The following COL13A1 variants were observed in gnomAD, a reference collection of about 807,000 sequenced individuals.
COL13A1 encodes collagen type XIII alpha 1 chain, also known as collagen alpha-1(XIII) chain.
In COL13A1, 89 loss-of-function variants were observed where a neutral mutation model predicts 130.9. The observed-to-expected ratio is 0.68, with a 90% CI of 0.57 to 0.81. The LOEUF is 0.81. Among genes scored for constraint, COL13A1 ranks in the 30% least tolerant of loss-of-function variants. COL13A1 has a pLI of 0.00. For missense variants in COL13A1, 879 were observed against 934.6 expected (o/e 0.94, Z 0.78); for synonymous variants, 402 against 341.6 (o/e 1.18, Z -1.95).
intron 2 of COL13A1, among the ~76,000 whole-genome samples, chr10:69,866,946 G>A (rs1173551496): frequency 6.6e-6 from 1 of 152,152 alleles, no homozygotes; most frequent in Non-Finnish European, 1.5e-5. Flanking sequence ...GGAATCACCG[G>A]GAGGGTGGGG....
intron 2 of COL13A1, among the ~76,000 whole-genome samples, chr10:69,832,449 A>C (rs1849048754): frequency 6.6e-6 from 1 of 152,202 alleles, no homozygotes; most frequent in Non-Finnish European, 1.5e-5. Flanking sequence ...TTATTATGAA[A>C]GTTCTTGGTC....
In COL13A1 at chr10:69,835,143, C is replaced by A. The variant is rs557997928; in HGVS notation, c.364+12705C>A. On this transcript the variant is annotated intron_variant, in intron 2 of 40. Coordinates refer to ENST00000645393, the MANE Select transcript of COL13A1 (RefSeq NM_001368882.1). Reference sequence around the variant, plus strand: ...CACATGGGTGCTGTGCAGCTTGTCCCAGGCTGCTGGGGGCAGATGAGCTCC... The same window carrying A: ...CACATGGGTGCTGTGCAGCTTGTCCAAGGCTGCTGGGGGCAGATGAGCTCC... Among the ~76,000 whole-genome samples the A allele has an allele frequency of 2.6e-5, 4 of 152,284 alleles. No homozygotes were observed. In the South Asian group the frequency reaches 8.3e-4, roughly 32 times the overall value.
At chr10:69,888,708 T>G (rs2060852101) in intron 9 of COL13A1, among the ~76,000 whole-genome samples, 1 of 152,142 alleles carries the variant, frequency 6.6e-6, no homozygotes, top group Non-Finnish European at 1.5e-5. Flanking sequence ...CCAGCACCTG[T>G]GTCTCCCATG....
chr10:69,948,299 G>C (rs1473956013), intron 38 of COL13A1, among the ~76,000 whole-genome samples: 1 of 152,078 alleles, frequency 6.6e-6, no homozygotes, highest in Non-Finnish European at 1.5e-5. Context: ...TGCACAGAAA[G>C]TGCCAGAATG....
chr10:69,927,327 T>TG (rs2065499778), intron 27 of COL13A1, among the ~76,000 whole-genome samples: 1 of 152,138 alleles, frequency 6.6e-6, no homozygotes. Context: ...CCCTGGGTCA[T>TG]GGGTGTCCTC....
In COL13A1 at chr10:69,825,307, C is replaced by T. The variant is rs565152603; in HGVS notation, c.364+2869C>T. On this transcript the variant is annotated intron_variant, in intron 2 of 40. Coordinates refer to ENST00000645393, the MANE Select transcript of COL13A1 (RefSeq NM_001368882.1). ...GCATTTCCGATTATCTCCTGAGGGTCGGAGTTTATAAACAACTTTAAGGCT... is the reference window on the plus strand; with the variant it reads ...GCATTTCCGATTATCTCCTGAGGGTTGGAGTTTATAAACAACTTTAAGGCT... Among the ~76,000 whole-genome samples the T allele has an allele frequency of 7.2e-5, 11 of 152,306 alleles. No homozygotes were observed. In the South Asian group the frequency reaches 1.7e-3, roughly 23 times the overall value.
At chr10:69,934,300 TATA>T (rs1163457001) in intron 31 of COL13A1, among the ~76,000 whole-genome samples, 1 of 152,252 alleles carries the variant, frequency 6.6e-6, no homozygotes, top group Admixed American at 6.5e-5. Context: ...ACCACTTACT[TATA>T]ATAAGAATTA....
At chr10:69,902,523 C>A (rs1171284260) in intron 14 of COL13A1, among the ~76,000 whole-genome samples, 1 of 152,206 alleles carries the variant, frequency 6.6e-6, no homozygotes, top group East Asian at 1.9e-4. Context: ...GAAGCCCCAC[C>A]TTCAGGGACC....
At chr10:69,831,131 A>G (rs1227759) in intron 2 of COL13A1, among the ~76,000 whole-genome samples, 14,783 of 152,298 alleles carry the variant, frequency 0.097, 801 homozygotes, top group East Asian at 0.18. Flanking sequence ...GTTGAATTAG[A>G]GGATGTTGAA....
At chr10:69,887,307 C>T (rs1010612969) in intron 7 of COL13A1, 149 bp from the exon 8 acceptor site, 28 of 732,602 alleles carry the variant, frequency 3.8e-5, no homozygotes, top group Middle Eastern at 3.0e-4. Context: ...TCTCCATCTT[C>T]CCTCCCAACC....
intron 2 of COL13A1, among the ~76,000 whole-genome samples, chr10:69,845,238 G>A (rs1228828063): frequency 6.7e-6 from 1 of 148,716 alleles, no homozygotes; most frequent in South Asian, 2.1e-4. Context: ...TGTCACCCAG[G>A]CTGGAGTGCA....
At chr10:69,881,829 T>C (rs575211666) in intron 7 of COL13A1, among the ~76,000 whole-genome samples, 1 of 152,316 alleles carries the variant, frequency 6.6e-6, no homozygotes, top group South Asian at 2.1e-4. Context: ...ATCACCTCCA[T>C]TTTACAGATG....
At chr10:69,825,602 A>G (rs1417343572) in intron 2 of COL13A1, among the ~76,000 whole-genome samples, 1 of 152,170 alleles carries the variant, frequency 6.6e-6, no homozygotes, top group Non-Finnish European at 1.5e-5. Context: ...GGGACAAAAC[A>G]AACACACTCT....
rs769673346 is a variant in COL13A1, at chr10:69,898,721, C to T, written c.709C>T (p.Arg237Ter). 59 of 1,613,386 alleles carry T rather than the reference C, an allele frequency of 3.7e-5. No homozygotes were observed. Among genetic ancestry groups the T allele is most frequent in the Middle Eastern group, 1.6e-4 (1 of 6,062 alleles). The change falls in exon 14 of 41, where the codon CGA becomes TGA. Residue 237 changes from arginine to a stop codon, truncating the protein, a stop_gained. Transcript: ENST00000645393. LOFTEE classifies it high-confidence loss of function. The part of the protein sequence containing the change: ...HRLLPLLNSV[R>*]LAPPPVIKRR... ...GCTGCTGCCTCTCCTCAATTCAGTGCGACTGGCTCCACCCCCGGTCATAAA... is the reference window on the plus strand; with the variant it reads ...GCTGCTGCCTCTCCTCAATTCAGTGTGACTGGCTCCACCCCCGGTCATAAA...
At chr10:69,829,251 C>A (rs1245199192) in intron 2 of COL13A1, 2 of 985,308 alleles carry the variant, frequency 2.0e-6, no homozygotes, top group African/African-American at 1.7e-5. Context: ...GCCACCTGAC[C>A]TCCTCCAAAC....
rs187274531 is a variant in COL13A1 at position 69,858,641 on chromosome 10, T to C, written c.365-9157T>C. Among the ~76,000 whole-genome samples, 270 of 152,332 alleles carry C rather than the reference T, an allele frequency of 1.8e-3. 1 individual carries two copies. Among genetic ancestry groups the C allele is most frequent in the Non-Finnish European group, 9.6e-4 (65 of 68,030 alleles). The stretch of plus-strand genomic sequence containing the variant: ...GTGATCAGTCCTCACTGGGGGACTC[T>C]GGGAGCCAACTTCAGGCAAGAGACG... On this transcript the variant is annotated intron_variant, in intron 2 of 40. Coordinates refer to ENST00000645393, the MANE Select transcript of COL13A1 (RefSeq NM_001368882.1).
At chr10:69,948,120 C>G (rs1414974650) in intron 38 of COL13A1, among the ~76,000 whole-genome samples, 1 of 152,196 alleles carries the variant, frequency 6.6e-6, no homozygotes, top group Admixed American at 6.5e-5. Flanking sequence ...AAGTGTGTCT[C>G]CTAGCGGGTC....
chr10:69,922,010 A>G lies in COL13A1; in HGVS notation c.1143+75A>G, dbSNP rs4237324. On this transcript the variant is annotated intron_variant, in intron 22 of 40. Transcript: ENST00000645393. ...CATACCTGGCCCTGCACATCCACAC[A>G]GGCCCCAGCATTGGACGTGTCTGTC... 320,905 of 1,495,794 alleles carry G rather than the reference A, an allele frequency of 0.21. 36,538 individuals are homozygous for G. Among genetic ancestry groups the G allele is most frequent in the East Asian group, 0.32 (12,906 of 40,440 alleles). The allele number at this position is 1,495,794 out of a possible 1,614,324, so 92.7% of individuals were successfully genotyped here.
chr10:69,899,453 C>A (rs1212054658), intron 14 of COL13A1, among the ~76,000 whole-genome samples: 2 of 152,184 alleles, frequency 1.3e-5, no homozygotes, highest in African/African-American at 4.8e-5. Context: ...TTGAAACTGG[C>A]CTTGAAGCAG....
Sources: allele counts gnomAD v4.1 joint callset (sites outside exome capture counted in the v4.1 genomes callset), GRCh38; gene constraint gnomAD v4.1.1; transcripts MANE v1.5; gene names NCBI Gene and HGNC (gene_info 2026-07-23, HGNC 2026-07-21).